The following MREG variants were observed in gnomAD, a reference collection of about 807,000 sequenced individuals.
MREG encodes the protein dilute suppressor protein homolog.
Under a neutral mutation model 28.5 loss-of-function variants are expected in MREG, and 31 were observed. The ratio of observed to expected loss-of-function variants is 1.09; its 90% CI spans 0.82 to 1.47. MREG has a LOEUF of 1.47. Among genes scored for constraint, MREG ranks in the 40% most tolerant of loss-of-function variants. MREG has a pLI of 0.00. For synonymous variants in MREG, 106 were observed against 95.2 expected (o/e 1.11, Z -0.66); for missense variants, 256 against 257.4 (o/e 0.99, Z 0.04).
intron 4 of MREG, 144 bp from the exon 5 acceptor site, chr2:215,945,141 A>C: frequency 2.4e-6 from 2 of 831,964 alleles, no homozygotes; most frequent in Non-Finnish European, 3.5e-6. Context: ...TTTTCCTAAC[A>C]AATGTAGAGA....
At chr2:215,981,293 G>T (rs930036860) in intron 2 of MREG, among the ~76,000 whole-genome samples, 2 of 152,170 alleles carry the variant, frequency 1.3e-5, no homozygotes, top group African/African-American at 4.8e-5. Flanking sequence ...ACCGAATGTG[G>T]CATATACACA....
At chr2:215,989,947 G>A (rs566589078) in intron 2 of MREG, among the ~76,000 whole-genome samples, 69 of 152,180 alleles carry the variant, frequency 4.5e-4, no homozygotes, top group African/African-American at 1.4e-3. Context: ...GATGGGGAGA[G>A]TGGAACCAAG....
At chr2:215,961,306 C>A (rs1331218584) in intron 2 of MREG, among the ~76,000 whole-genome samples, 1 of 152,160 alleles carries the variant, frequency 6.6e-6, no homozygotes, top group Non-Finnish European at 1.5e-5. Flanking sequence ...TGAAAATGAG[C>A]CTTTTTGGCT....
chr2:215,979,463 CAAAAAATAAT>C (rs1693353546), intron 2 of MREG, among the ~76,000 whole-genome samples: 1 of 105,716 alleles, frequency 9.5e-6, no homozygotes, highest in Non-Finnish European at 1.8e-5. Context: ...AACTCCATCT[CAAAAAATAAT>C]AATAATAATA....
At chr2:216,017,869 G>A (rs752791993), upstream of MREG, among the ~76,000 whole-genome samples, 6 of 151,946 alleles carry the variant, frequency 3.9e-5, no homozygotes, top group South Asian at 2.1e-4. Context: ...CTGAAGCTCC[G>A]CCCAGGCACG....
chr2:216,030,268 C>T (rs542758612), intron 1 of MREG, among the ~76,000 whole-genome samples: 2 of 152,230 alleles, frequency 1.3e-5, no homozygotes, highest in South Asian at 2.1e-4. Context: ...CTTCATTGTC[C>T]TTGGTGCTGG....
chr2:215,984,695 G>A (rs986088386), intron 2 of MREG, among the ~76,000 whole-genome samples: 25 of 151,988 alleles, frequency 1.6e-4, no homozygotes, highest in Admixed American at 5.2e-4. Flanking sequence ...ATATTTTGGA[G>A]GTAATAAAAC....
intron 2 of MREG, among the ~76,000 whole-genome samples, chr2:215,977,929 G>A (rs1693304249): frequency 6.6e-6 from 1 of 152,104 alleles, no homozygotes; most frequent in African/African-American, 2.4e-5. Flanking sequence ...AAGAAAGCAG[G>A]AAAGATCTAA....
rs867510740 is a variant in MREG at position 215,943,712 on chromosome 2, G to T, written c.*1151C>A. 33 of 332,872 alleles carry T rather than the reference G, an allele frequency of 9.9e-5. No individual in the cohort carries two copies. The highest frequency in any genetic ancestry group is 1.7e-4 in the Non-Finnish European group (29 of 168,254). 20.6% of individuals were successfully genotyped at this position (332,872 alleles called of 1,614,324 possible). On this transcript the variant is annotated 3_prime_UTR_variant, in exon 5 of 5. Coordinates refer to ENST00000263268, the MANE Select transcript of MREG (RefSeq NM_018000.3). Reference sequence around the variant, plus strand: ...AAAAATTAGCCAGGTGTGGTGGCACGCGCCTGTAGTTCCAGCTACTCCAGA... The same window carrying T: ...AAAAATTAGCCAGGTGTGGTGGCACTCGCCTGTAGTTCCAGCTACTCCAGA...
chr2:215,992,562 C>G (rs1693745651), intron 2 of MREG, among the ~76,000 whole-genome samples: 2 of 151,680 alleles, frequency 1.3e-5, no homozygotes, highest in African/African-American at 4.8e-5. Context: ...AAGTTCTGGC[C>G]AGGGCAATCA....
chr2:216,019,666 G>T (rs1053282858), intron 1 of MREG, among the ~76,000 whole-genome samples: 1 of 151,918 alleles, frequency 6.6e-6, no homozygotes, highest in East Asian at 1.9e-4. Context: ...CACCATGCCC[G>T]GCTAATTGTT....
chr2:216,006,580 A>G (rs1219583101), intron 1 of MREG, among the ~76,000 whole-genome samples: 1 of 152,194 alleles, frequency 6.6e-6, no homozygotes, highest in Non-Finnish European at 1.5e-5. Context: ...AATCTGCCCA[A>G]TCTGCTCAGA....
At chr2:216,010,512 T>G (rs35593324) in intron 1 of MREG, among the ~76,000 whole-genome samples, 1 of 151,150 alleles carries the variant, frequency 6.6e-6, no homozygotes, top group East Asian at 2.0e-4. Context: ...CGCCCGCCAC[T>G]ACACCCGGCT....
In MREG at chr2:215,942,656, A is replaced by G. The variant is rs1286854661; in HGVS notation, c.*2207T>C. The G allele has an allele frequency of 2.0e-5, 3 of 152,672 alleles. No individual in the cohort carries two copies. Among genetic ancestry groups the G allele is most frequent in the Non-Finnish European group, 4.4e-5 (3 of 68,034 alleles). The allele number at this position is 152,672 out of a possible 1,614,324, so 9.5% of individuals were successfully genotyped here. ...CTGGATAATTCCATGTATTTTAATA[A>G]TCACAGAGATAGTCCTATCCTTATT... On this transcript the variant is annotated 3_prime_UTR_variant, in exon 5 of 5. Transcript: ENST00000263268.
chr2:215,990,780 G>A (rs527369221), intron 2 of MREG, among the ~76,000 whole-genome samples: 1 of 152,162 alleles, frequency 6.6e-6, no homozygotes, highest in Admixed American at 6.5e-5. Context: ...AGCCAAAAAA[G>A]ATCAAAAAAG....
At chr2:215,964,175 C>G (rs942144176) in intron 2 of MREG, among the ~76,000 whole-genome samples, 4 of 151,730 alleles carry the variant, frequency 2.6e-5, no homozygotes, top group Non-Finnish European at 5.9e-5. Context: ...ACAAATATAC[C>G]AAGGGGTTAA....
At chr2:216,031,685 A>AAGAGAGAG (rs1553558903) in intron 1 of MREG, among the ~76,000 whole-genome samples, 5 of 54,100 alleles carry the variant, frequency 9.2e-5, no homozygotes, top group South Asian at 4.7e-4. Flanking sequence ...GAAAGAAAGA[A>AAGAGAGAG]AGAAAGAGAA....
intron 4 of MREG, 27 bp downstream of exon 4, chr2:215,945,544 G>A: frequency 6.3e-7 from 1 of 1,599,718 alleles, no homozygotes; most frequent in Non-Finnish European, 8.5e-7. Context: ...GCAAAATTAG[G>A]GCAAATGAAA....
At chr2:216,029,968 A>G (rs903902517) in intron 1 of MREG, among the ~76,000 whole-genome samples, 29 of 152,308 alleles carry the variant, frequency 1.9e-4, no homozygotes, top group African/African-American at 6.5e-4. Flanking sequence ...TGGTGGTCAC[A>G]TGGGCTTCTC....
Sources: gnomAD v4.1 joint callset for allele counts (sites outside exome capture counted in the v4.1 genomes callset) on GRCh38, gnomAD v4.1.1 for gene constraint, MANE v1.5 for transcripts, NCBI Gene and HGNC (gene_info 2026-07-23, HGNC 2026-07-21) for gene names.